TMX1: variants seen among roughly 807,000 people sequenced by gnomAD.
The protein encoded by TMX1 is thioredoxin related transmembrane protein 1, also known as thioredoxin-related transmembrane protein 1.
In TMX1, 25 loss-of-function variants were observed where a neutral mutation model predicts 36.6. The observed-to-expected ratio is 0.68, with a 90% CI of 0.50 to 0.95. The LOEUF is 0.95. TMX1 is among the 40% of genes least tolerant of loss of function. The pLI, the probability that TMX1 is intolerant of heterozygous loss-of-function variation, is 0.00. For missense variants in TMX1, 347 were observed against 339.6 expected, an observed-to-expected ratio of 1.02 and a Z score of -0.17; for synonymous variants, 133 against 118.0, an observed-to-expected ratio of 1.13 and a Z score of -0.82.
intron 4 of TMX1, among the ~76,000 whole-genome samples, chr14:51,247,971 A>G (rs2065794531): frequency 6.6e-6 from 1 of 152,222 alleles, no homozygotes; most frequent in African/African-American, 2.4e-5. Flanking sequence ...TACCAACTAA[A>G]TTAATTACAT....
At chr14:51,246,904 T>A (rs1441466799) in intron 3 of TMX1, among the ~76,000 whole-genome samples, 188 bp from the exon 4 acceptor site, 1 of 152,228 alleles carries the variant, frequency 6.6e-6, no homozygotes, top group African/African-American at 2.4e-5. Flanking sequence ...TAAAAAAATG[T>A]AACCTCATTG....
rs755597876 is a variant in TMX1 at position 51,249,495 on chromosome 14, C to T, written c.517C>T (p.Leu173Phe). 6.8e-6 allele frequency: 11 copies of T among 1,612,820 alleles called. No individual in the cohort carries two copies. Among genetic ancestry groups the T allele is most frequent in the East Asian group, 2.2e-5 (1 of 44,802 alleles). The part of the protein sequence containing the change: ...RTCHNYFIED[L>F]GLPVWGSYTV... ...TTGCCATAACTACTTTATTGAAGAC[C>T]TTGGATTGCCAGTGTGGGGATCATA... The change falls in exon 6 of 8, where the codon CTT becomes TTT. Residue 173 changes from leucine to phenylalanine, a missense_variant. By Grantham distance (22) the Leu-to-Phe change is conservative. Coordinates refer to ENST00000457354, the MANE Select transcript of TMX1 (RefSeq NM_030755.5).
rs1466934777 is a variant in TMX1 at position 51,240,307 on chromosome 14, G to A, written c.15G>A (p.Gly5=). 1.2e-6 allele frequency: 2 copies of A among 1,612,020 alleles called. No homozygotes were observed. Among genetic ancestry groups the A allele is most frequent in the Admixed American group, 1.7e-5 (1 of 60,008 alleles). ...CAAGCGGCGAAATGGCGCCCTCCGGGAGTCTTGCAGTTCCCCTGGCAGTCC... is the reference window on the plus strand; with the variant it reads ...CAAGCGGCGAAATGGCGCCCTCCGGAAGTCTTGCAGTTCCCCTGGCAGTCC... MAPS[G]SLAVPLAVLV... is the part of the protein sequence containing the mutation. Residue 5 remains glycine (G), a synonymous_variant, in exon 1 of 8, where the codon GGG becomes GGA. Coordinates refer to ENST00000457354, the MANE Select transcript of TMX1 (RefSeq NM_030755.5).
intron 7 of TMX1, among the ~76,000 whole-genome samples, chr14:51,251,757 AT>A (rs2065814948): frequency 6.6e-6 from 1 of 152,160 alleles, no homozygotes; most frequent in Non-Finnish European, 1.5e-5. Context: ...GTTCAAACAG[AT>A]TGCTGATTCC....
chr14:51,243,291 G>T (rs964676419), intron 1 of TMX1, among the ~76,000 whole-genome samples: 1 of 152,320 alleles, frequency 6.6e-6, no homozygotes, highest in Admixed American at 6.5e-5. Flanking sequence ...TAGTATTTGT[G>T]TGTGGGTTAT....
intron 7 of TMX1, among the ~76,000 whole-genome samples, chr14:51,253,522 C>T (rs974822781): frequency 6.6e-6 from 1 of 152,182 alleles, no homozygotes; most frequent in Non-Finnish European, 1.5e-5. Context: ...CTCCCTGGCC[C>T]CACCATTCTT....
intron 1 of TMX1, among the ~76,000 whole-genome samples, chr14:51,242,713 G>A (rs542596962): frequency 6.6e-6 from 1 of 152,180 alleles, no homozygotes; most frequent in Non-Finnish European, 1.5e-5. Context: ...GGAGGTTGAG[G>A]TTGCAGTGAG....
At chr14:51,253,114 G>T (rs532690360) in intron 7 of TMX1, among the ~76,000 whole-genome samples, 2 of 151,970 alleles carry the variant, frequency 1.3e-5, no homozygotes, top group African/African-American at 2.4e-5. Flanking sequence ...CTTGTGTAAA[G>T]GTCTCATTTT....
At chr14:51,240,471 C>G in intron 1 of TMX1, 27 bp downstream of exon 1, 1 of 1,608,696 alleles carries the variant, frequency 6.2e-7, no homozygotes, top group South Asian at 1.1e-5. Context: ...CAGGGTCCTA[C>G]GTCCGTGCCT....
intron 1 of TMX1, among the ~76,000 whole-genome samples, chr14:51,241,210 C>A (rs80137483): frequency 2.0e-5 from 3 of 152,092 alleles, no homozygotes; most frequent in Non-Finnish European, 4.4e-5. Context: ...CGAACGAAAT[C>A]ATGTATTTTG....
intron 7 of TMX1, among the ~76,000 whole-genome samples, chr14:51,253,522 CCA>C (rs1466364572): frequency 6.6e-6 from 1 of 152,182 alleles, no homozygotes; most frequent in East Asian, 1.9e-4. Flanking sequence ...CTCCCTGGCC[CCA>C]CCATTCTTGA....
At chr14:51,253,442 T>C (rs2065824050) in intron 7 of TMX1, among the ~76,000 whole-genome samples, 1 of 152,192 alleles carries the variant, frequency 6.6e-6, no homozygotes, top group Non-Finnish European at 1.5e-5. Context: ...CAACAGATGG[T>C]TCATTACTGG....
At chr14:51,244,038 A>G (rs975805370) in intron 2 of TMX1, 67 bp downstream of exon 2, 13 of 1,283,850 alleles carry the variant, frequency 1.0e-5, no homozygotes, top group Non-Finnish European at 1.4e-5. Flanking sequence ...CCTTTTTTCT[A>G]CATTGCATAG....
At chr14:51,252,860 T>C (rs1217818597) in intron 7 of TMX1, among the ~76,000 whole-genome samples, 1 of 152,214 alleles carries the variant, frequency 6.6e-6, no homozygotes, top group Non-Finnish European at 1.5e-5. Context: ...GTTAAGATGC[T>C]GTTTCTGAGT....
chr14:51,242,338 T>C (rs28587653), intron 1 of TMX1, among the ~76,000 whole-genome samples: 37,993 of 152,058 alleles, frequency 0.25, 6,147 homozygotes, highest in Non-Finnish European at 0.34. Flanking sequence ...TATTAAGCAA[T>C]AGTGATCGTG....
chr14:51,241,636 G>C (rs772175476), intron 1 of TMX1, among the ~76,000 whole-genome samples: 4 of 152,256 alleles, frequency 2.6e-5, no homozygotes, highest in Non-Finnish European at 5.9e-5. Context: ...GATGACTTGA[G>C]CCCAGGGGTT....
rs1307598320 is a variant in TMX1, at chr14:51,255,996, A to G, written c.*1477A>G. 2.0e-5 allele frequency: 3 copies of G among 152,576 alleles called. No homozygotes were observed. Among genetic ancestry groups the G allele is most frequent in the Non-Finnish European group, 2.9e-5 (2 of 67,958 alleles). The allele number at this position is 152,576 out of a possible 1,614,324, so 9.5% of individuals were successfully genotyped here. A position where few individuals can be genotyped will look rare whatever the true frequency, so the allele number is the denominator to read the frequency against. On this transcript the variant is annotated 3_prime_UTR_variant, in exon 8 of 8. Transcript: ENST00000457354. ...TTGGATGTGTAACTTGTGATGCCTTAGAAAAATATCCTAAGCACAAAATAA... is the reference window on the plus strand; with the variant it reads ...TTGGATGTGTAACTTGTGATGCCTTGGAAAAATATCCTAAGCACAAAATAA...
At position 51,244,120 on chromosome 14, in the gene TMX1, C is replaced by T. The variant is rs575492519; in HGVS notation, c.268+149C>T. 23 of 554,654 alleles carry T rather than the reference C, an allele frequency of 4.1e-5. No individual in the cohort carries two copies. The African/African-American group carries it at 4.4e-4, about 11-fold the overall frequency. The allele number at this position is 554,654 out of a possible 1,614,324, so 34.4% of individuals were successfully genotyped here. A position where few individuals can be genotyped will look rare whatever the true frequency, so the allele number is the denominator to read the frequency against. ...GCTAGTTAACCTGACTTGTCCACCTCCCTGCTGGGGGCTCAGTGTGCAATG... is the reference window on the plus strand; with the variant it reads ...GCTAGTTAACCTGACTTGTCCACCTTCCTGCTGGGGGCTCAGTGTGCAATG... On this transcript the variant is annotated intron_variant, in intron 2 of 7. Transcript: ENST00000457354.
At chr14:51,251,296 G>A (rs2065811786) in intron 7 of TMX1, among the ~76,000 whole-genome samples, 1 of 152,102 alleles carries the variant, frequency 6.6e-6, no homozygotes, top group African/African-American at 2.4e-5. Flanking sequence ...TTGTGATGCT[G>A]GGCAGATTAG....
Sources: allele counts gnomAD v4.1 joint callset (sites outside exome capture counted in the v4.1 genomes callset), GRCh38; gene constraint gnomAD v4.1.1; transcripts MANE v1.5; gene names NCBI Gene and HGNC (gene_info 2026-07-23, HGNC 2026-07-21).